Variants in SMU1 observed in about 807,000 individuals in gnomAD.
SMU1 encodes the protein WD40 repeat-containing protein SMU1.
A neutral mutation model predicts 62.0 loss-of-function variants in SMU1; 2 were observed. That is an observed-to-expected ratio of 0.03 (90% CI 0.01 to 0.10). SMU1 has a LOEUF of 0.10. SMU1 is among the 10% of genes least tolerant of loss of function. SMU1 has a pLI of 1.00. For synonymous variants in SMU1, 188 were observed against 212.4 expected, an observed-to-expected ratio of 0.89 and a Z score of 1.00; for missense variants, 227 against 622.1, an observed-to-expected ratio of 0.36 and a Z score of 6.76.
chr9:33,054,006 C>T (rs1031810031), intron 9 of SMU1, among the ~76,000 whole-genome samples: 6 of 152,128 alleles, frequency 3.9e-5, no homozygotes, highest in Non-Finnish European at 7.4e-5. Context: ...AACAGGGGGT[C>T]GGCCATGGTG....
intron 1 of SMU1, among the ~76,000 whole-genome samples, chr9:33,075,920 C>A (rs1267748007): frequency 3.3e-5 from 5 of 152,196 alleles, no homozygotes; most frequent in African/African-American, 9.7e-5. Context: ...TTCTTTCTAG[C>A]CCAGTCTCCA....
intron 6 of SMU1, among the ~76,000 whole-genome samples, chr9:33,058,379 C>T (rs914913960): frequency 6.6e-6 from 1 of 152,184 alleles, no homozygotes; most frequent in African/African-American, 2.4e-5. Context: ...TGCAGTGATG[C>T]AATCTCAGCT....
chr9:33,061,748 G>A (rs775451701), intron 5 of SMU1, among the ~76,000 whole-genome samples: 31 of 152,240 alleles, frequency 2.0e-4, no homozygotes, highest in Non-Finnish European at 3.7e-4. Flanking sequence ...ACAGTCCCAG[G>A]TGTAACCAAA....
intron 1 of SMU1, among the ~76,000 whole-genome samples, 171 bp from the exon 2 acceptor site, chr9:33,073,977 T>C (rs577526288): frequency 7.9e-5 from 12 of 152,302 alleles, no homozygotes; most frequent in South Asian, 4.1e-4. Context: ...CCCCTAACCA[T>C]AGAGACAGAA....
Position 33,053,153 on chromosome 9 carries a change from G to A in SMU1, c.1260C>T (p.Asn420=), listed in dbSNP as rs749669510. 1.4e-5 allele frequency: 22 copies of A among 1,612,114 alleles called. No homozygotes were observed. Among genetic ancestry groups the A allele is most frequent in the Middle Eastern group, 2.2e-4 (1 of 4,466 alleles). ...CCTGCATGTTCATGATGACCACCGT[G>A]TTTGATCTGTTGCACACCACAAAGT... ...PEHFVVCNRS[N]TVVIMNMQGQ... The change falls in exon 10 of 12, where the codon AAC becomes AAT. Residue 420 remains asparagine, a synonymous_variant. Coordinates refer to ENST00000397149, the MANE Select transcript of SMU1 (RefSeq NM_018225.3).
At chr9:33,051,043 C>A (rs1839241222) in intron 10 of SMU1, among the ~76,000 whole-genome samples, 1 of 103,142 alleles carries the variant, frequency 9.7e-6, no homozygotes, top group African/African-American at 3.5e-5. Context: ...ATGGCGTGAA[C>A]CCAGGAGGCG....
chr9:33,057,091 T>C, intron 7 of SMU1, 127 bp from the exon 8 acceptor site: 3 of 879,306 alleles, frequency 3.4e-6, no homozygotes, highest in Non-Finnish European at 5.2e-6. Flanking sequence ...TGCACGCTAA[T>C]AGCTGAATAT....
At position 33,043,924 on chromosome 9, in the gene SMU1, A is replaced by G. The variant is rs1255533302; in HGVS notation, c.*3369T>C. 5 of 151,600 alleles carry G rather than the reference A, an allele frequency of 3.3e-5. No homozygotes were observed. The highest frequency in any genetic ancestry group is 5.9e-5 in the Non-Finnish European group (4 of 67,926). 9.4% of individuals were successfully genotyped at this position (151,600 alleles called of 1,614,324 possible). On this transcript the variant is annotated 3_prime_UTR_variant, in exon 12 of 12. Coordinates refer to ENST00000397149, the MANE Select transcript of SMU1 (RefSeq NM_018225.3). ...AGAGGCCGTTAGTGGTAGTAATAAT[A>G]CATGCTGAAAAAAAACAACTGGTGA...
In SMU1 at chr9:33,053,306, T is replaced by G; in HGVS notation, c.1123-16A>C. ...TATTCCAGATCTACCACACAGAAAT[T>G]TAAGTTATAAACCTTTTTTAGGTAT... On this transcript the variant is annotated splice_polypyrimidine_tract_variant and intron_variant, in intron 9 of 11. Coordinates refer to ENST00000397149, the MANE Select transcript of SMU1 (RefSeq NM_018225.3). 6.2e-7 allele frequency: 1 copy of G among 1,610,468 alleles called. No individual in the cohort carries two copies. Among genetic ancestry groups the G allele is most frequent in the Admixed American group, 1.7e-5 (1 of 59,332 alleles).
intron 9 of SMU1, among the ~76,000 whole-genome samples, chr9:33,053,732 T>C (rs1294780445): frequency 6.6e-6 from 1 of 152,244 alleles, no homozygotes; most frequent in African/African-American, 2.4e-5. Context: ...TTTCCCCAAA[T>C]ATTTTCAATT....
intron 6 of SMU1, among the ~76,000 whole-genome samples, chr9:33,059,437 GA>G (rs796953065): frequency 1.4e-3 from 208 of 149,366 alleles, no homozygotes; most frequent in African/African-American, 4.6e-3. Flanking sequence ...ATAACCCCTT[GA>G]AAAAAAAATT....
In SMU1 at chr9:33,047,359, A is replaced by G; in HGVS notation, c.1476T>C (p.His492=). The change falls in exon 12 of 12, where the codon CAT becomes CAC. Residue 492 remains histidine (H), a synonymous_variant. Transcript: ENST00000397149. ...TAGCAATCAGGTTCTGATGAGGGTG[A>G]TGTGCAATACCAATCACATCCTTCT... The part of the protein sequence containing the change: ...VHEKDVIGIA[H]HPHQNLIATY... 3 of 1,613,948 alleles carry G rather than the reference A, an allele frequency of 1.9e-6. No individual in the cohort carries two copies. Among genetic ancestry groups the G allele is most frequent in the Non-Finnish European group, 2.5e-6 (3 of 1,179,976 alleles).
rs1587704959 is a variant in SMU1 at position 33,046,872 on chromosome 9, C to T, written c.*421G>A. ...TCGTGCCGCTGCACTCCAGCCTGGG[C>T]AACAAGCAAAACTCCATCTCAAAAA... On this transcript the variant is annotated 3_prime_UTR_variant, in exon 12 of 12. Coordinates refer to ENST00000397149, the MANE Select transcript of SMU1 (RefSeq NM_018225.3). The T allele has an allele frequency of 7.0e-6, 1 of 141,930 alleles. No homozygotes were observed. The highest frequency in any genetic ancestry group is 7.4e-5 in the Admixed American group (1 of 13,558). 8.8% of individuals were successfully genotyped at this position (141,930 alleles called of 1,614,324 possible). A position where few individuals can be genotyped will look rare whatever the true frequency, so the allele number is the denominator to read the frequency against.
intron 1 of SMU1, among the ~76,000 whole-genome samples, chr9:33,074,449 C>CA (rs935925535): frequency 1.2e-4 from 18 of 147,976 alleles, no homozygotes; most frequent in East Asian, 3.9e-4. Flanking sequence ...CACACACACA[C>CA]AAAAAAAAAA....
chr9:33,056,776 C>T, intron 8 of SMU1, 61 bp downstream of exon 8: 1 of 1,550,420 alleles, frequency 6.4e-7, no homozygotes, highest in South Asian at 1.1e-5. Context: ...TCACTAGTAC[C>T]TCCCTCCATG....
At chr9:33,051,851 T>TC (rs982107926) in intron 10 of SMU1, among the ~76,000 whole-genome samples, 2 of 151,958 alleles carry the variant, frequency 1.3e-5, no homozygotes, top group Non-Finnish European at 2.9e-5. Context: ...GGTCAGGAGT[T>TC]CGAGACCAGC....
intron 9 of SMU1, 128 bp downstream of exon 9, chr9:33,055,985 A>G (rs756052123): frequency 4.3e-6 from 4 of 924,156 alleles, no homozygotes; most frequent in Middle Eastern, 3.7e-4. Flanking sequence ...ACTCACCTCA[A>G]TTACAGCTAA....
chr9:33,056,929 T>C lies in SMU1; in HGVS notation c.903A>G (p.Arg301=). Residue 301 remains arginine (R), a synonymous_variant, in exon 8 of 12, where the codon AGA becomes AGG. Coordinates refer to ENST00000397149, the MANE Select transcript of SMU1 (RefSeq NM_018225.3). The part of the protein sequence containing the change: ...WKIQSGQCLR[R]FERAHSKGVT... ...CACCCTTACTGTGTGCCCTCTCAAA[T>C]CTCCTTAAACATTGTCCACTCTGAA... 6.2e-7 allele frequency: 1 copy of C among 1,611,978 alleles called. No homozygotes were observed. The highest frequency in any genetic ancestry group is 8.5e-7 in the Non-Finnish European group (1 of 1,179,496).
Position 33,043,944 on chromosome 9 carries a change from T to C in SMU1, c.*3349A>G, listed in dbSNP as rs2119410314. ...ATAATACATGCTGAAAAAAAACAAC[T>C]GGTGAAGAAGATACTGAATTGTACC... On this transcript the variant is annotated 3_prime_UTR_variant, in exon 12 of 12. Transcript: ENST00000397149. The C allele has an allele frequency of 7.2e-6, 1 of 139,528 alleles. No individual in the cohort carries two copies. The highest frequency in any genetic ancestry group is 1.5e-5 in the Non-Finnish European group (1 of 65,564). The allele number at this position is 139,528 out of a possible 1,614,324, so 8.6% of individuals were successfully genotyped here.
Sources: gnomAD v4.1 joint callset for allele counts (sites outside exome capture counted in the v4.1 genomes callset) on GRCh38, gnomAD v4.1.1 for gene constraint, MANE v1.5 for transcripts, NCBI Gene and HGNC (gene_info 2026-07-23, HGNC 2026-07-21) for gene names.